The following BMAL2 variants were observed in gnomAD, a reference collection of about 807,000 sequenced individuals.
The protein encoded by BMAL2 is basic helix-loop-helix ARNT like 2, also known as basic helix-loop-helix ARNT-like protein 2.
At chr12:27,337,408 A>T in the BMAL2 span, among the ~76,000 whole-genome samples, 1 of 147,288 alleles carries the variant, frequency 6.8e-6, no homozygotes, top group African/African-American at 2.6e-5. Flanking sequence ...CTTCTTGACC[A>T]AAGTGCCTCC....
the BMAL2 span, among the ~76,000 whole-genome samples, chr12:27,416,939 C>T: frequency 2.6e-5 from 4 of 152,150 alleles, no homozygotes; most frequent in African/African-American, 7.2e-5. Context: ...CTAGCCTGAG[C>T]GGCAGACTGC....
the BMAL2 span, among the ~76,000 whole-genome samples, chr12:27,384,210 G>A: frequency 6.6e-6 from 1 of 152,136 alleles, no homozygotes; most frequent in Non-Finnish European, 1.5e-5. Flanking sequence ...AGGGCTTTGC[G>A]AATCTGGGTT....
At chr12:27,346,055 C>G in the BMAL2 span, among the ~76,000 whole-genome samples, 1 of 152,176 alleles carries the variant, frequency 6.6e-6, no homozygotes, top group Non-Finnish European at 1.5e-5. Context: ...AATGTGTGAA[C>G]AAATGAATGA....
At chr12:27,370,129 G>C in the BMAL2 span, 1 of 1,613,170 alleles carries the variant, frequency 6.2e-7, no homozygotes, top group Non-Finnish European at 8.5e-7. Context: ...TTCCTTCCAG[G>C]TCAGGAATCA....
the BMAL2 span, chr12:27,368,546 T>G: frequency 8.0e-6 from 9 of 1,121,934 alleles, no homozygotes; most frequent in East Asian, 1.5e-4. Context: ...TATCCACCCA[T>G]CTGCTACCTT....
chr12:27,387,156 G>A, the BMAL2 span: 2 of 714,916 alleles, frequency 2.8e-6, no homozygotes, highest in Admixed American at 2.6e-5. Flanking sequence ...GAATCTGAAT[G>A]TGTGTGTGTG....
the BMAL2 span, among the ~76,000 whole-genome samples, chr12:27,377,867 C>G: frequency 6.0e-4 from 92 of 152,240 alleles, 1 homozygote; most frequent in Non-Finnish European, 9.7e-4. Context: ...GTATTTTGTT[C>G]CAGGAGTGTC....
the BMAL2 span, among the ~76,000 whole-genome samples, chr12:27,358,084 A>G: frequency 3.3e-5 from 5 of 152,096 alleles, no homozygotes; most frequent in Non-Finnish European, 7.4e-5. Flanking sequence ...TCTGCACAGC[A>G]AAAGAAGTAA....
chr12:27,360,393 G>C, the BMAL2 span, among the ~76,000 whole-genome samples: 1 of 152,176 alleles, frequency 6.6e-6, no homozygotes, highest in Non-Finnish European at 1.5e-5. Context: ...CTGTCAATTA[G>C]ATAATAATTG....
At chr12:27,405,399 A>G in the BMAL2 span, among the ~76,000 whole-genome samples, 5 of 152,146 alleles carry the variant, frequency 3.3e-5, no homozygotes, top group African/African-American at 1.2e-4. Context: ...CTGAGACAAA[A>G]CTTCCAGAGG....
the BMAL2 span, among the ~76,000 whole-genome samples, chr12:27,419,643 A>T: frequency 6.6e-6 from 1 of 152,358 alleles, no homozygotes; most frequent in African/African-American, 2.4e-5. Context: ...TCCATGACTG[A>T]CATTGCTCTG....
At chr12:27,416,298 A>C in the BMAL2 span, among the ~76,000 whole-genome samples, 1 of 152,152 alleles carries the variant, frequency 6.6e-6, no homozygotes, top group Non-Finnish European at 1.5e-5. Flanking sequence ...CTCTTAGAAC[A>C]GTGCCTAGCA....
the BMAL2 span, among the ~76,000 whole-genome samples, chr12:27,378,443 A>G: frequency 2.0e-5 from 3 of 152,236 alleles, no homozygotes; most frequent in Admixed American, 2.0e-4. Flanking sequence ...CTCCAACAGT[A>G]TAGTCAGAAA....
At chr12:27,401,545 T>C in the BMAL2 span, 1 of 1,602,018 alleles carries the variant, frequency 6.2e-7, no homozygotes, top group Non-Finnish European at 8.5e-7. Flanking sequence ...AAGGAGAAAA[T>C]ACTTACAGAT....
At chr12:27,397,791 A>G in the BMAL2 span, among the ~76,000 whole-genome samples, 1 of 152,230 alleles carries the variant, frequency 6.6e-6, no homozygotes, top group Non-Finnish European at 1.5e-5. Context: ...CTGCTACCAA[A>G]TGTCTTAAGT....
the BMAL2 span, among the ~76,000 whole-genome samples, chr12:27,338,513 G>C: frequency 6.6e-6 from 1 of 151,832 alleles, no homozygotes; most frequent in Non-Finnish European, 1.5e-5. Context: ...AGGGAACAGA[G>C]TAGGCATGGA....
chr12:27,378,765 A>G, the BMAL2 span, among the ~76,000 whole-genome samples: 4 of 152,306 alleles, frequency 2.6e-5, no homozygotes, highest in Non-Finnish European at 4.4e-5. Context: ...GAGAGGAAGG[A>G]ACAGCAGTTT....
the BMAL2 span, among the ~76,000 whole-genome samples, chr12:27,345,215 C>G: frequency 6.6e-6 from 1 of 152,188 alleles, no homozygotes. Context: ...TGCTTCCCCC[C>G]AAAAATGCCC....
At chr12:27,378,703 G>A in the BMAL2 span, among the ~76,000 whole-genome samples, 1 of 152,146 alleles carries the variant, frequency 6.6e-6, no homozygotes, top group African/African-American at 2.4e-5. Flanking sequence ...AAGGGGATTA[G>A]GTGACTGGAT....
Sources: gnomAD v4.1 joint callset for allele counts (sites outside exome capture counted in the v4.1 genomes callset) on GRCh38, gnomAD v4.1.1 for gene constraint, MANE v1.5 for transcripts, NCBI Gene and HGNC (gene_info 2026-07-23, HGNC 2026-07-21) for gene names.